Variants in NNMT observed in about 807,000 individuals in gnomAD.
NNMT encodes nicotinamide N-methyltransferase.
A neutral mutation model predicts 11.7 loss-of-function variants in NNMT; 10 were observed. That is an observed-to-expected ratio of 0.85 (90% CI 0.53 to 1.45). NNMT has a LOEUF of 1.45. NNMT is among the 40% of genes most tolerant of loss of function. The pLI, the probability that NNMT is intolerant of heterozygous loss-of-function variation, is 0.00. For synonymous variants in NNMT, 143 were observed against 133.8 expected, an observed-to-expected ratio of 1.07 and a Z score of -0.48; for missense variants, 381 against 319.4, an observed-to-expected ratio of 1.19 and a Z score of -1.47.
chr11:114,294,923 G>A (rs979965434), upstream of NNMT, among the ~76,000 whole-genome samples: 6 of 152,186 alleles, frequency 3.9e-5, no homozygotes, highest in African/African-American at 1.4e-4. Flanking sequence ...TCCCAAACAT[G>A]CTTTACTGGA....
intron 2 of NNMT, among the ~76,000 whole-genome samples, chr11:114,301,670 G>A (rs917208247): frequency 7.9e-5 from 12 of 151,954 alleles, no homozygotes; most frequent in African/African-American, 2.9e-4. Context: ...AGACTACTCT[G>A]TACAGTACTA....
intron 2 of NNMT, among the ~76,000 whole-genome samples, chr11:114,300,525 C>A (rs10891645): frequency 0.077 from 11,703 of 152,132 alleles, 523 homozygotes; most frequent in Middle Eastern, 0.1. Context: ...CTATAAATAT[C>A]AATTAAGTCA....
intron 1 of NNMT, among the ~76,000 whole-genome samples, chr11:114,258,082 C>T (rs956830198): frequency 3.9e-5 from 6 of 152,172 alleles, no homozygotes; most frequent in Admixed American, 6.5e-5. Context: ...CTGCCAGCCC[C>T]GGCTGCCACT....
intron 2 of NNMT, among the ~76,000 whole-genome samples, chr11:114,289,268 C>G (rs949153933): frequency 6.6e-6 from 1 of 152,122 alleles, no homozygotes; most frequent in African/African-American, 2.4e-5. Context: ...GGCATATGAG[C>G]CTTCTCTCTT....
intron 2 of NNMT, among the ~76,000 whole-genome samples, chr11:114,265,135 G>C (rs544464590): frequency 6.6e-6 from 1 of 152,294 alleles, no homozygotes; most frequent in Non-Finnish European, 1.5e-5. Context: ...TCCTGAAGCT[G>C]CCTATGGGCT....
chr11:114,300,077 GTTTAC>G lies in NNMT; in HGVS notation c.362+1924_362+1928del, dbSNP rs146342980. On this transcript the variant is annotated intron_variant, in intron 2 of 2. Transcript: ENST00000299964. ...TTATTTTAATTTTAATTCTTTTCTA[GTTTAC>G]TTTATTTTTTTCTAGCTTTCTAAAA... 7.7e-3 allele frequency among the ~76,000 whole-genome samples: 1,170 copies of G among 151,156 alleles called. 16 individuals are homozygous for G. Among genetic ancestry groups the G allele is most frequent in the African/African-American group, 0.027 (1,093 of 41,244 alleles).
intron 2 of NNMT, among the ~76,000 whole-genome samples, chr11:114,275,305 G>T (rs572135252): frequency 1.1e-4 from 16 of 152,300 alleles, no homozygotes; most frequent in African/African-American, 3.4e-4. Flanking sequence ...AAAGATGATG[G>T]AGGTACTGGA....
In NNMT at chr11:114,312,852, C is replaced by G. The variant is rs941401017; in HGVS notation, c.*375C>G. ...GGGGCACTGCTGGCTCCTTCTCTCCCAGGAATGGGCTTCTCCTATTCTTTA... is the reference window on the plus strand; with the variant it reads ...GGGGCACTGCTGGCTCCTTCTCTCCGAGGAATGGGCTTCTCCTATTCTTTA... On this transcript the variant is annotated 3_prime_UTR_variant, in exon 3 of 3. Transcript: ENST00000299964. The G allele has an allele frequency of 2.1e-5, 4 of 190,192 alleles. No individual in the cohort carries two copies. Among genetic ancestry groups the G allele is most frequent in the African/African-American group, 9.3e-5 (4 of 43,090 alleles). 11.8% of individuals were successfully genotyped at this position (190,192 alleles called of 1,614,324 possible). A position where few individuals can be genotyped will look rare whatever the true frequency, so the allele number is the denominator to read the frequency against.
At chr11:114,278,064 A>T (rs550507554) in intron 2 of NNMT, among the ~76,000 whole-genome samples, 2 of 152,178 alleles carry the variant, frequency 1.3e-5, no homozygotes, top group Admixed American at 1.3e-4. Flanking sequence ...GTAAAGGAAT[A>T]CCTGAGACTG....
chr11:114,260,804 C>A (rs986576641), intron 1 of NNMT, among the ~76,000 whole-genome samples: 14 of 152,196 alleles, frequency 9.2e-5, no homozygotes, highest in Admixed American at 2.6e-4. Flanking sequence ...CCGTGCGGTG[C>A]ACCCTAGAGG....
In NNMT at chr11:114,298,110, TTGAC is replaced by T; in HGVS notation, c.317_320del (p.Asp106GlyfsTer5). 2 of 1,614,112 alleles carry T rather than the reference TTGAC, an allele frequency of 1.2e-6. No homozygotes were observed. Among genetic ancestry groups the T allele is most frequent in the African/African-American group, 1.3e-5 (1 of 75,022 alleles). On this transcript the variant is annotated frameshift_variant, in exon 2 of 3. Transcript: ENST00000299964. LOFTEE classifies it low-confidence loss of function (END_TRUNC). The stretch of plus-strand genomic sequence containing the variant: ...TGGCTGAAGAAAGAGCCAGAGGCCT[TTGAC>T]TGGTCCCCAGTGGTGACCTATGTGT...
chr11:114,277,879 C>G (rs948837389), intron 2 of NNMT, among the ~76,000 whole-genome samples: 2 of 152,180 alleles, frequency 1.3e-5, no homozygotes, highest in African/African-American at 2.4e-5. Context: ...CAGGGTTGGT[C>G]CTCATGCTAA....
In NNMT at chr11:114,298,085, T is replaced by C; in HGVS notation, c.289T>C (p.Trp97Arg). Reference protein sequence around the residue: ...SDQNLQELEKWLKKEPEAFDW... With the variant: ...SDQNLQELEKRLKKEPEAFDW... ...CCAGAACCTGCAGGAGCTGGAGAAG[T>C]GGCTGAAGAAAGAGCCAGAGGCCTT... The change falls in exon 2 of 3, where the codon TGG becomes CGG. Residue 97 changes from tryptophan (W) to arginine (R), a missense_variant. Physicochemically the swap from Trp to Arg is moderately radical, Grantham distance 101. Coordinates refer to ENST00000299964, the MANE Select transcript of NNMT (RefSeq NM_006169.3). 1 of 1,614,110 alleles carries C rather than the reference T, an allele frequency of 6.2e-7. No individual in the cohort carries two copies. The highest frequency in any genetic ancestry group is 8.5e-7 in the Non-Finnish European group (1 of 1,180,030).
At chr11:114,306,712 C>T (rs534764834) in intron 2 of NNMT, among the ~76,000 whole-genome samples, 1 of 152,206 alleles carries the variant, frequency 6.6e-6, no homozygotes, top group African/African-American at 2.4e-5. Flanking sequence ...TTCTACATTT[C>T]TGTTTTGGTA....
At chr11:114,294,513 G>T (rs1945358621), upstream of NNMT, among the ~76,000 whole-genome samples, 2 of 147,114 alleles carry the variant, frequency 1.4e-5, no homozygotes, top group Admixed American at 6.8e-5. Flanking sequence ...GATTGAATAA[G>T]ACCTAATATT....
chr11:114,296,971 G>T (rs1945387007), intron 1 of NNMT, among the ~76,000 whole-genome samples: 1 of 152,160 alleles, frequency 6.6e-6, no homozygotes, highest in African/African-American at 2.4e-5. Flanking sequence ...TTTGCTAGGC[G>T]ACTTGAGGGA....
intron 2 of NNMT, among the ~76,000 whole-genome samples, chr11:114,307,334 C>G (rs1941398): frequency 0.68 from 102,778 of 151,962 alleles, 36,206 homozygotes; most frequent in East Asian, 0.81. Context: ...CAAGCCAGAA[C>G]CTGGAAGTCA....
chr11:114,301,039 G>C (rs1039466980), intron 2 of NNMT, among the ~76,000 whole-genome samples: 4 of 152,164 alleles, frequency 2.6e-5, no homozygotes, highest in Non-Finnish European at 4.4e-5. Flanking sequence ...AAATTAAAAG[G>C]ACTACAGCAC....
chr11:114,262,225 G>A (rs559795529), intron 1 of NNMT, among the ~76,000 whole-genome samples: 2 of 152,134 alleles, frequency 1.3e-5, no homozygotes, highest in South Asian at 2.1e-4. Flanking sequence ...AAGTTCAGGG[G>A]TACATGTGCC....
Sources: gnomAD v4.1 joint callset for allele counts (sites outside exome capture counted in the v4.1 genomes callset) on GRCh38, gnomAD v4.1.1 for gene constraint, MANE v1.5 for transcripts, NCBI Gene and HGNC (gene_info 2026-07-23, HGNC 2026-07-21) for gene names.